Variants in CDH7 observed in about 807,000 individuals in gnomAD.
The protein encoded by CDH7 is cadherin-7.
CDH7 carries 25 observed loss-of-function variants against 71.8 expected under a neutral mutation model. That is an observed-to-expected ratio of 0.35 (90% confidence interval 0.25 to 0.49). The LOEUF is 0.49. CDH7 is among the 20% of genes least tolerant of loss of function. CDH7 has a pLI of 0.99. For synonymous variants in CDH7, 381 were observed against 363.8 expected, an observed-to-expected ratio of 1.05 and a Z score of -0.54; for missense variants, 862 against 974.6, an observed-to-expected ratio of 0.88 and a Z score of 1.54.
At position 65,791,388 on chromosome 18, in the gene CDH7, A is replaced by T. The variant is rs377221246; in HGVS notation, c.211-18316A>T. ...GCGCTAACATAATTCCCTTTATTTA[A>T]TATTATGTGGTTTGTAAGCTATATT... On this transcript the variant is annotated intron_variant, in intron 2 of 11. Coordinates refer to ENST00000397968, the MANE Select transcript of CDH7 (RefSeq NM_004361.5). Among the ~76,000 whole-genome samples, 18 of 152,278 alleles carry T rather than the reference A, an allele frequency of 1.2e-4. No individual in the cohort carries two copies. In the East Asian group the frequency reaches 3.1e-3, roughly 26 times the overall value.
intron 5 of CDH7, 83 bp downstream of exon 5, chr18:65,822,331 A>G: frequency 9.6e-7 from 1 of 1,039,918 alleles, no homozygotes; most frequent in South Asian, 1.6e-5. Context: ...ACTTTTTTTC[A>G]AATACTTCTA....
chr18:65,751,458 C>T (rs779961022), intron 1 of CDH7, among the ~76,000 whole-genome samples: 1 of 152,268 alleles, frequency 6.6e-6, no homozygotes, highest in Non-Finnish European at 1.5e-5. Flanking sequence ...GGTGCAGCGG[C>T]AAACATGGGC....
At chr18:65,769,174 G>A (rs1291904965) in intron 2 of CDH7, among the ~76,000 whole-genome samples, 1 of 152,108 alleles carries the variant, frequency 6.6e-6, no homozygotes, top group Non-Finnish European at 1.5e-5. Context: ...AGGACACCTG[G>A]TGCACCTCTG....
chr18:65,789,956 G>A (rs893472425), intron 2 of CDH7, among the ~76,000 whole-genome samples: 2 of 150,934 alleles, frequency 1.3e-5, no homozygotes, highest in East Asian at 4.0e-4. Context: ...GAGGCTGGGC[G>A]CGGTGGCTCA....
intron 2 of CDH7, among the ~76,000 whole-genome samples, chr18:65,772,715 A>G (rs938268235): frequency 6.6e-6 from 1 of 152,172 alleles, no homozygotes; most frequent in African/African-American, 2.4e-5. Context: ...TGATTTTTAC[A>G]AGTTTAATAT....
intron 1 of CDH7, among the ~76,000 whole-genome samples, chr18:65,757,458 G>C (rs555920582): frequency 6.6e-6 from 1 of 152,060 alleles, no homozygotes; most frequent in Non-Finnish European, 1.5e-5. Context: ...ATTAAGATCT[G>C]TTATGCTTAT....
chr18:65,859,754 G>A lies in CDH7; in HGVS notation c.1541G>A (p.Gly514Glu). 1 of 1,612,272 alleles carries A rather than the reference G, an allele frequency of 6.2e-7. No homozygotes were observed. The highest frequency in any genetic ancestry group is 8.5e-7 in the Non-Finnish European group (1 of 1,178,470). ...GTGGATAAAGATGAGCCATCCAATGGACACCAGTTTTACTTCAGCTTAACA... is the reference window on the plus strand; with the variant it reads ...GTGGATAAAGATGAGCCATCCAATGAACACCAGTTTTACTTCAGCTTAACA... ...SAVDKDEPSN[G>E]HQFYFSLTTD... The change falls in exon 10 of 12, where the codon GGA (glycine) becomes GAA (glutamate). Residue 514 changes from glycine (G) to glutamate (E), a missense_variant. Transcript: ENST00000397968.
Position 65,867,034 on chromosome 18 carries a change from A to AT in CDH7, c.1864+4117_1864+4118insT, listed in dbSNP as rs1160812890. ...TATGGCAAGATACTCTGGTATTCTA[A>AT]ATTTTTTTTTTTTTTTTTTTAGACA... On this transcript the variant is annotated intron_variant, in intron 11 of 11. Coordinates refer to ENST00000397968, the MANE Select transcript of CDH7 (RefSeq NM_004361.5). Among the ~76,000 whole-genome samples the AT allele has an allele frequency of 1.3e-4, 14 of 111,424 alleles. No individual in the cohort carries two copies. In the East Asian group the frequency reaches 3.1e-3, roughly 25 times the overall value. 73.1% of individuals were successfully genotyped at this position (111,424 alleles called of 152,430 possible). A position where few individuals can be genotyped will look rare whatever the true frequency, so the allele number is the denominator to read the frequency against.
intron 2 of CDH7, among the ~76,000 whole-genome samples, chr18:65,776,321 TG>T (rs1752893865): frequency 6.7e-6 from 1 of 150,308 alleles, no homozygotes; most frequent in African/African-American, 2.5e-5. Flanking sequence ...TAAAATTACA[TG>T]GGACAGCTTT....
chr18:65,767,097 T>G (rs1033669894), intron 2 of CDH7, among the ~76,000 whole-genome samples: 3 of 150,674 alleles, frequency 2.0e-5, no homozygotes, highest in Admixed American at 6.6e-5. Flanking sequence ...TTCTTTCTTT[T>G]TTTTTTTTTT....
chr18:65,795,209 T>G (rs1490446481), intron 2 of CDH7, among the ~76,000 whole-genome samples: 1 of 152,126 alleles, frequency 6.6e-6, no homozygotes, highest in East Asian at 1.9e-4. Flanking sequence ...GATTACTAAT[T>G]TTTTTTATAT....
In CDH7 at chr18:65,888,335, T is replaced by TA. The variant is rs1473913054; in HGVS notation, c.*7447dup. ...TTTATTGTGTGTTTTGCTGTATTTT[T>TA]AAAAAATAAGAAAAAATTATCACAG... On this transcript the variant is annotated 3_prime_UTR_variant, in exon 12 of 12. Transcript: ENST00000397968. 1 of 152,132 alleles carries TA rather than the reference T, an allele frequency of 6.6e-6. No homozygotes were observed. Among genetic ancestry groups the TA allele is most frequent in the African/African-American group, 2.4e-5 (1 of 41,428 alleles). The allele number at this position is 152,132 out of a possible 1,614,324, so 9.4% of individuals were successfully genotyped here.
At chr18:65,781,790 C>CTTTCTTTCTAT (rs1568181354) in intron 2 of CDH7, among the ~76,000 whole-genome samples, 2 of 70,080 alleles carry the variant, frequency 2.9e-5, no homozygotes, top group African/African-American at 1.9e-4. Flanking sequence ...TTCCTTCCTT[C>CTTTCTTTCTAT]CTTCCTTCCT....
intron 4 of CDH7, among the ~76,000 whole-genome samples, chr18:65,820,185 G>A (rs77499981): frequency 0.016 from 2,356 of 149,858 alleles, 51 homozygotes; most frequent in African/African-American, 0.054. Flanking sequence ...AAAGTTCTGA[G>A]TTATGGTATC....
At chr18:65,824,577 C>A in intron 5 of CDH7, 67 bp from the exon 6 acceptor site, 3 of 1,043,060 alleles carry the variant, frequency 2.9e-6, no homozygotes, top group South Asian at 4.5e-5. Context: ...GCCAAAATAA[C>A]CCAATATTTA....
intron 5 of CDH7, among the ~76,000 whole-genome samples, 181 bp downstream of exon 5, chr18:65,822,429 T>C (rs1191051305): frequency 6.6e-6 from 1 of 152,132 alleles, no homozygotes; most frequent in Non-Finnish European, 1.5e-5. Flanking sequence ...TATAAGGGTA[T>C]TGAGAAGAAA....
intron 2 of CDH7, among the ~76,000 whole-genome samples, chr18:65,765,304 G>A (rs1319156045): frequency 6.6e-6 from 1 of 151,954 alleles, no homozygotes; most frequent in East Asian, 1.9e-4. Context: ...GAAAAAAATG[G>A]CAGAGAACTT....
intron 7 of CDH7, among the ~76,000 whole-genome samples, chr18:65,849,865 C>T (rs1913082955): frequency 6.6e-6 from 1 of 151,984 alleles, no homozygotes; most frequent in Non-Finnish European, 1.5e-5. Flanking sequence ...TTTTTCATAT[C>T]TAAAATACTT....
intron 2 of CDH7, among the ~76,000 whole-genome samples, chr18:65,781,819 CTTCTTTCT>C (rs1224080276): frequency 5.0e-4 from 22 of 43,906 alleles, no homozygotes; most frequent in South Asian, 2.3e-3. Flanking sequence ...TCCTTCCTTC[CTTCTTTCT>C]TTCTTTCTTT....
Sources: gnomAD v4.1 joint callset for allele counts (sites outside exome capture counted in the v4.1 genomes callset) on GRCh38, gnomAD v4.1.1 for gene constraint, MANE v1.5 for transcripts, NCBI Gene and HGNC (gene_info 2026-07-23, HGNC 2026-07-21) for gene names.